The following FIP1L1 variants were observed in gnomAD, a reference collection of about 807,000 sequenced individuals.
The protein encoded by FIP1L1 is pre-mRNA 3'-end-processing factor FIP1.
Under a neutral mutation model 84.6 loss-of-function variants are expected in FIP1L1, and 21 were observed. The observed-to-expected ratio is 0.25, with a 90% CI of 0.18 to 0.36. The LOEUF (loss-of-function observed/expected upper bound fraction) is 0.36, where lower values mean the gene tolerates loss of function less well. Ranked by LOEUF, FIP1L1 falls within the 10% of genes least tolerant of loss-of-function variation. The pLI is 1.00. For synonymous variants in FIP1L1, 263 were observed against 242.3 expected (o/e 1.09, Z -0.80); for missense variants, 526 against 751.1 (o/e 0.70, Z 3.50).
intron 9 of FIP1L1, among the ~76,000 whole-genome samples, chr4:53,395,700 T>G (rs1746853859): frequency 6.6e-6 from 1 of 152,122 alleles, no homozygotes; most frequent in Non-Finnish European, 1.5e-5. Flanking sequence ...AGGTACTGTT[T>G]TAGGATGAGA....
chr4:53,419,636 A>AGG (rs1761282420), intron 11 of FIP1L1, among the ~76,000 whole-genome samples: 2 of 151,946 alleles, frequency 1.3e-5, no homozygotes, highest in Admixed American at 6.6e-5. Context: ...ATGAGGTCTC[A>AGG]CTATGTTGCT....
At chr4:53,381,820 C>T (rs2149270692) in intron 3 of FIP1L1, among the ~76,000 whole-genome samples, 1 of 134,556 alleles carries the variant, frequency 7.4e-6, no homozygotes, top group Admixed American at 8.2e-5. Flanking sequence ...AGTGCAGTGG[C>T]ATGATCACTG....
chr4:53,417,935 G>A (rs994334451), intron 11 of FIP1L1, among the ~76,000 whole-genome samples: 1 of 152,010 alleles, frequency 6.6e-6, no homozygotes, highest in African/African-American at 2.4e-5. Flanking sequence ...TGGAGTTTGA[G>A]GCATTGCTTA....
chr4:53,378,245 T>G (rs1366578799), intron 1 of FIP1L1: 2 of 278,634 alleles, frequency 7.2e-6, no homozygotes, highest in Non-Finnish European at 1.3e-5. Flanking sequence ...TTACCCTTGT[T>G]TTTTTCTGTC....
At chr4:53,389,129 C>T (rs1461846151) in intron 5 of FIP1L1, among the ~76,000 whole-genome samples, 1 of 152,214 alleles carries the variant, frequency 6.6e-6, no homozygotes, top group African/African-American at 2.4e-5. Context: ...CACCGGCAAA[C>T]ACTGTTCTGC....
intron 10 of FIP1L1, among the ~76,000 whole-genome samples, chr4:53,407,714 C>A (rs552160186): frequency 2.6e-5 from 4 of 152,126 alleles, no homozygotes; most frequent in Non-Finnish European, 5.9e-5. Context: ...ATAGTTAGCT[C>A]TTCTTGTTGA....
At chr4:53,402,851 TA>T (rs1384430368) in intron 10 of FIP1L1, among the ~76,000 whole-genome samples, 1 of 152,178 alleles carries the variant, frequency 6.6e-6, no homozygotes, top group Non-Finnish European at 1.5e-5. Flanking sequence ...AAGTTGCCCT[TA>T]AGTAGAAGCA....
intron 5 of FIP1L1, among the ~76,000 whole-genome samples, chr4:53,387,607 T>C (rs1045997795): frequency 6.6e-5 from 10 of 152,342 alleles, no homozygotes; most frequent in African/African-American, 2.4e-4. Flanking sequence ...TACAAAGGCT[T>C]GTGGCTTAAA....
intron 5 of FIP1L1, among the ~76,000 whole-genome samples, chr4:53,386,689 A>C (rs1345072266): frequency 1.3e-5 from 2 of 152,196 alleles, no homozygotes; most frequent in South Asian, 2.1e-4. Context: ...CCTTGGAGGA[A>C]GTACATGGCT....
At chr4:53,401,146 G>A (rs951298762) in intron 10 of FIP1L1, among the ~76,000 whole-genome samples, 2 of 152,214 alleles carry the variant, frequency 1.3e-5, no homozygotes, top group South Asian at 2.1e-4. Context: ...ATTCATTTAT[G>A]TAAAGTGTTT....
At chr4:53,409,048 T>G (rs1398043728) in intron 10 of FIP1L1, among the ~76,000 whole-genome samples, 1 of 152,238 alleles carries the variant, frequency 6.6e-6, no homozygotes, top group African/African-American at 2.4e-5. Context: ...GGAACTGCGT[T>G]CCTTTGGAGG....
intron 15 of FIP1L1, among the ~76,000 whole-genome samples, chr4:53,449,266 G>C (rs1446065593): frequency 1.3e-5 from 2 of 151,864 alleles, no homozygotes; most frequent in Non-Finnish European, 2.9e-5. Flanking sequence ...TTAGGTTTTT[G>C]ATAGAACCAT....
intron 13 of FIP1L1, among the ~76,000 whole-genome samples, chr4:53,442,096 C>T (rs146163347): frequency 2.0e-5 from 3 of 152,030 alleles, no homozygotes; most frequent in South Asian, 4.1e-4. Context: ...AATACACAAA[C>T]TATATTATGT....
chr4:53,417,759 ACACACTCTCTCT>A (rs1261528832), intron 11 of FIP1L1, among the ~76,000 whole-genome samples: 34 of 54,160 alleles, frequency 6.3e-4, no homozygotes, highest in East Asian at 2.8e-3. Context: ...ACACACACAC[ACACACTCTCTCT>A]CTCTCTCTCT....
At chr4:53,378,082 C>G in intron 1 of FIP1L1, 159 bp downstream of exon 1, 1 of 583,432 alleles carries the variant, frequency 1.7e-6, no homozygotes. Context: ...CGCGTGCCCC[C>G]AGTCCCCGCG....
chr4:53,413,932 T>C (rs12645287), intron 10 of FIP1L1, among the ~76,000 whole-genome samples: 19,710 of 152,162 alleles, frequency 0.13, 2,549 homozygotes, highest in African/African-American at 0.32. Context: ...GTTTCTGGTT[T>C]GTTTTTCCTG....
chr4:53,454,780 A>G (rs1028351299), intron 16 of FIP1L1, among the ~76,000 whole-genome samples: 25 of 152,332 alleles, frequency 1.6e-4, no homozygotes, highest in Non-Finnish European at 3.1e-4. Context: ...GAAACAAGAG[A>G]GTGAGCCTGT....
At chr4:53,378,158 G>C in intron 1 of FIP1L1, 1 of 408,848 alleles carries the variant, frequency 2.4e-6, no homozygotes, top group Non-Finnish European at 4.3e-6. Flanking sequence ...GCCGGGCTGG[G>C]GGGCTGTGAC....
At chr4:53,411,861 C>G (rs1437885376) in intron 10 of FIP1L1, among the ~76,000 whole-genome samples, 1 of 151,966 alleles carries the variant, frequency 6.6e-6, no homozygotes, top group Non-Finnish European at 1.5e-5. Context: ...ACGTTAGCAT[C>G]TTAACTTTTT....
Sources: gnomAD v4.1 joint callset for allele counts (sites outside exome capture counted in the v4.1 genomes callset) on GRCh38, gnomAD v4.1.1 for gene constraint, MANE v1.5 for transcripts, NCBI Gene and HGNC (gene_info 2026-07-23, HGNC 2026-07-21) for gene names.